The following CAPN9 variants were observed in gnomAD, a reference collection of about 807,000 sequenced individuals.
CAPN9 encodes calpain-9.
A neutral mutation model predicts 92.8 loss-of-function variants in CAPN9; 81 were observed. The ratio of observed to expected loss-of-function variants is 0.87; its 90% CI spans 0.73 to 1.05. CAPN9 has a LOEUF of 1.05. Among genes scored for constraint, CAPN9 ranks in the 50% least tolerant of loss-of-function variants. CAPN9 has a pLI of 0.00. For missense variants in CAPN9, 848 were observed against 866.2 expected (o/e 0.98, Z 0.26); for synonymous variants, 304 against 328.0 (o/e 0.93, Z 0.79).
chr1:230,794,378 G>C (rs892603521), intron 17 of CAPN9, among the ~76,000 whole-genome samples: 1 of 152,108 alleles, frequency 6.6e-6, no homozygotes, highest in Non-Finnish European at 1.5e-5. Context: ...CTACTCAGGA[G>C]GCTGCAGCAG....
intron 18 of CAPN9, among the ~76,000 whole-genome samples, chr1:230,796,531 A>G (rs968060634): frequency 1.1e-4 from 16 of 152,246 alleles, no homozygotes; most frequent in Admixed American, 2.0e-4. Flanking sequence ...ATTTCTGGAC[A>G]ATCAATGAGT....
At chr1:230,773,117 G>A (rs3790973) in intron 7 of CAPN9, among the ~76,000 whole-genome samples, 61,836 of 151,918 alleles carry the variant, frequency 0.41, 13,013 homozygotes, top group South Asian at 0.61. Flanking sequence ...CTACCAGGTC[G>A]CCAGACATGG....
At chr1:230,790,519 C>G (rs1017968849) in intron 14 of CAPN9, among the ~76,000 whole-genome samples, 7 of 152,190 alleles carry the variant, frequency 4.6e-5, no homozygotes, top group Admixed American at 1.3e-4. Flanking sequence ...TAGAATGTTT[C>G]ATCACTCCAA....
chr1:230,761,858 A>T (rs1665665681), intron 3 of CAPN9, among the ~76,000 whole-genome samples: 1 of 152,142 alleles, frequency 6.6e-6, no homozygotes, highest in African/African-American at 2.4e-5. Flanking sequence ...TTCCCAGCAG[A>T]CCACACACAA....
rs562429597 is a variant in CAPN9, at chr1:230,747,969, A to G, written c.213+260A>G. Among the ~76,000 whole-genome samples the G allele has an allele frequency of 1.4e-3, 217 of 152,272 alleles. 9 individuals carry two copies. In the South Asian group the frequency reaches 0.043, roughly 30 times the overall value. On this transcript the variant is annotated intron_variant, in intron 1 of 19. Coordinates refer to ENST00000271971, the MANE Select transcript of CAPN9 (RefSeq NM_006615.3). ...AGCTGTCTGACTCCCACCGAGGCTG[A>G]GGACCTGGAGTCAGAGTGGGTCTTG...
Position 230,795,237 on chromosome 1 carries a change from G to T in CAPN9, c.1945G>T (p.Asp649Tyr), listed in dbSNP as rs769257212. ...GGATGAGGAGCTCCAGCTGGACTTC[G>T]ATGACTTCCTCAACTGCCTGGTCCG... The part of the protein sequence containing the change: ...YADEELQLDF[D>Y]DFLNCLVRLE... Residue 649 changes from aspartate (D) to tyrosine (Y), a missense_variant, in exon 18 of 20, where the codon GAT becomes TAT. Asp to Tyr is a radical substitution (Grantham distance 160). Coordinates refer to ENST00000271971, the MANE Select transcript of CAPN9 (RefSeq NM_006615.3). 6.2e-7 allele frequency: 1 copy of T among 1,613,410 alleles called. No individual in the cohort carries two copies.
intron 8 of CAPN9, among the ~76,000 whole-genome samples, chr1:230,777,769 C>T (rs1307320941): frequency 1.3e-5 from 2 of 152,114 alleles, no homozygotes; most frequent in African/African-American, 4.8e-5. Context: ...CCTTGACGTG[C>T]TGGATTGCGG....
At chr1:230,759,424 A>C in intron 2 of CAPN9, 88 bp from the exon 3 acceptor site, 2 of 894,818 alleles carry the variant, frequency 2.2e-6, no homozygotes, top group South Asian at 3.3e-5. Flanking sequence ...CCACATCTGA[A>C]ACTCCCCACA....
Position 230,787,612 on chromosome 1 carries a change from G to GC in CAPN9, c.1599+14dup, listed in dbSNP as rs1388767292. 7.4e-6 allele frequency: 12 copies of GC among 1,610,828 alleles called. No homozygotes were observed. The African/African-American group carries it at 1.6e-4, about 22-fold the overall frequency. On this transcript the variant is annotated intron_variant, in intron 13 of 19. Transcript: ENST00000271971. ...ACAAGTCGCTGGTGAGGTAGGACAT[G>GC]CCCCACTTCCATCTCCCCACCAGGC... is the stretch of plus-strand genomic sequence containing the variant.
At chr1:230,775,195 T>C (rs1318213652) in intron 8 of CAPN9, among the ~76,000 whole-genome samples, 2 of 152,112 alleles carry the variant, frequency 1.3e-5, no homozygotes, top group Admixed American at 6.5e-5. Flanking sequence ...TGCAATCCAA[T>C]AGAGGAAGAG....
chr1:230,759,656 GT>G, intron 3 of CAPN9, 26 bp downstream of exon 3: 2 of 1,505,724 alleles, frequency 1.3e-6, no homozygotes, highest in Admixed American at 1.9e-5. Flanking sequence ...GGGCCAGTGG[GT>G]TTACCTCTCT....
In CAPN9 at chr1:230,751,665, AAGAAAGAAAG is replaced by A. The variant is rs1448734735; in HGVS notation, c.214-3670_214-3661del. Among the ~76,000 whole-genome samples, 3 of 55,098 alleles carry A rather than the reference AAGAAAGAAAG, an allele frequency of 5.4e-5. No individual in the cohort carries two copies. In the East Asian group the frequency reaches 1.1e-3, roughly 21 times the overall value. 36.1% of individuals were successfully genotyped at this position (55,098 alleles called of 152,430 possible). On this transcript the variant is annotated intron_variant, in intron 1 of 19. Transcript: ENST00000271971. ...AAAGAAAGAAAGAAAGAAAGAAAGA[AAGAAAGAAAG>A]AAAGAAAGAAGGGTGGCTTTTCCCT...
intron 2 of CAPN9, among the ~76,000 whole-genome samples, chr1:230,758,522 A>T (rs188783782): frequency 6.6e-6 from 1 of 152,106 alleles, no homozygotes; most frequent in African/African-American, 2.4e-5. Flanking sequence ...TCTGCTGGTG[A>T]CACCTCTCAG....
intron 1 of CAPN9, among the ~76,000 whole-genome samples, chr1:230,750,181 C>T (rs1664675991): frequency 6.6e-6 from 1 of 152,166 alleles, no homozygotes; most frequent in Non-Finnish European, 1.5e-5. Flanking sequence ...GCCCTTGATA[C>T]ACACAAGCCC....
rs150220094 is a variant in CAPN9, at chr1:230,759,531, C to A, written c.303C>A (p.Ala101=). The change falls in exon 3 of 20, where the codon GCC becomes GCA. Residue 101 remains alanine (A), a synonymous_variant. Transcript: ENST00000271971. ...TTGCAGGAGACTGCTGGCTATTAGC[C>A]GCCATCGCCTCCCTTACGCTTAATC... ...QGELGDCWLL[A]AIASLTLNQK... 1 of 1,608,756 alleles carries A rather than the reference C, an allele frequency of 6.2e-7. No homozygotes were observed.
At chr1:230,781,676 C>T (rs137942539) in intron 11 of CAPN9, among the ~76,000 whole-genome samples, 177 of 152,264 alleles carry the variant, frequency 1.2e-3, no homozygotes, top group African/African-American at 1.8e-3. Flanking sequence ...TTAAGGAGAA[C>T]GCTAAAATCT....
intron 6 of CAPN9, among the ~76,000 whole-genome samples, chr1:230,769,983 C>T (rs1219001557): frequency 2.0e-5 from 3 of 152,056 alleles, no homozygotes; most frequent in African/African-American, 7.3e-5. Context: ...TTTACGTTAT[C>T]GATAAGACTT....
Position 230,747,409 on chromosome 1 carries a change from G to C in CAPN9, c.-88G>C. 1 of 1,200,040 alleles carries C rather than the reference G, an allele frequency of 8.3e-7. No homozygotes were observed. The highest frequency in any genetic ancestry group is 2.3e-5 in the East Asian group (1 of 42,906). The allele number at this position is 1,200,040 out of a possible 1,614,324, so 74.3% of individuals were successfully genotyped here. ...ACTCAGCCCAGTGGCCCTCTGAGCT[G>C]TTCCTTCTTGACCGGCACACACAGC... On this transcript the variant is annotated 5_prime_UTR_variant, in exon 1 of 20. Transcript: ENST00000271971.
At chr1:230,775,032 C>T (rs1044812791) in intron 8 of CAPN9, among the ~76,000 whole-genome samples, 22 of 152,046 alleles carry the variant, frequency 1.4e-4, no homozygotes, top group Middle Eastern at 3.2e-3. Context: ...TGAGCCACCA[C>T]GCCCAGCCTT....
Sources: allele counts gnomAD v4.1 joint callset (sites outside exome capture counted in the v4.1 genomes callset), GRCh38; gene constraint gnomAD v4.1.1; transcripts MANE v1.5; gene names NCBI Gene and HGNC (gene_info 2026-07-23, HGNC 2026-07-21).